MYO16: variants seen among roughly 807,000 people sequenced by gnomAD.
The protein encoded by MYO16 is myosin XVI.
In MYO16, 94 loss-of-function variants were observed where a neutral mutation model predicts 205.3. That is an observed-to-expected ratio of 0.46 (90% CI 0.39 to 0.54). The LOEUF (loss-of-function observed/expected upper bound fraction) is 0.54, where lower values mean the gene tolerates loss of function less well. Among genes scored for constraint, MYO16 ranks in the 20% least tolerant of loss-of-function variants. MYO16 has a pLI of 0.00. For synonymous variants in MYO16, 988 were observed against 954.0 expected (o/e 1.04, Z -0.66); for missense variants, 2,315 against 2,387.5 (o/e 0.97, Z 0.63).
chr13:109,126,217 A>G (rs1052530568), intron 30 of MYO16, among the ~76,000 whole-genome samples: 2 of 152,216 alleles, frequency 1.3e-5, no homozygotes, highest in African/African-American at 2.4e-5. Flanking sequence ...CTCAGTGATT[A>G]AATACTGAAA....
intron 7 of MYO16, among the ~76,000 whole-genome samples, chr13:108,809,082 C>A (rs1411301734): frequency 6.6e-6 from 1 of 152,160 alleles, no homozygotes; most frequent in South Asian, 2.1e-4. Context: ...CACATGACAA[C>A]TATGCTGCAG....
intron 30 of MYO16, among the ~76,000 whole-genome samples, chr13:109,126,344 C>T (rs1387641208): frequency 2.0e-5 from 3 of 152,176 alleles, no homozygotes; most frequent in Admixed American, 6.5e-5. Flanking sequence ...GGGCGGCTGG[C>T]TCTGCCTTGT....
intron 4 of MYO16, among the ~76,000 whole-genome samples, chr13:108,775,572 C>T (rs974257526): frequency 6.6e-6 from 1 of 151,964 alleles, no homozygotes; most frequent in African/African-American, 2.4e-5. Flanking sequence ...GATTCCTAAC[C>T]TCGTGGGTCA....
At chr13:108,639,204 GA>G (rs1449380556) in intron 1 of MYO16, among the ~76,000 whole-genome samples, 5 of 152,144 alleles carry the variant, frequency 3.3e-5, no homozygotes, top group Non-Finnish European at 1.5e-5. Context: ...GAGAAGCCTT[GA>G]AATAGCCCAG....
chr13:108,692,187 G>A lies in MYO16; in HGVS notation c.293-20474G>A, dbSNP rs372789515. Among the ~76,000 whole-genome samples the A allele has an allele frequency of 5.7e-4, 87 of 152,306 alleles. 2 individuals are homozygous for A. Among genetic ancestry groups the A allele is most frequent in the African/African-American group, 1.9e-3 (79 of 41,568 alleles). ...TAAGCTAATCAGACTTGGGCACCAG[G>A]AAAATACTGCTCTTGAGCCAGCACT... On this transcript the variant is annotated intron_variant, in intron 2 of 34. Coordinates refer to ENST00000457511, the MANE Select transcript of MYO16 (RefSeq NM_001198950.3).
intron 1 of MYO16, among the ~76,000 whole-genome samples, chr13:108,646,503 T>A (rs1477055076): frequency 6.6e-6 from 1 of 152,256 alleles, no homozygotes; most frequent in African/African-American, 2.4e-5. Context: ...GCAATTTATG[T>A]CATTCTGTAG....
rs759106289 is a variant in MYO16, at chr13:108,855,447, A to G, written c.1253A>G (p.Lys418Arg). Residue 418 changes from lysine (K) to arginine (R), a missense_variant, in exon 11 of 35, where the codon AAG becomes AGG. Physicochemically the swap from Lys to Arg is conservative, Grantham distance 26. Coordinates refer to ENST00000457511, the MANE Select transcript of MYO16 (RefSeq NM_001198950.3). ...MSGSTKPEQV[K>R]LMPPAPNDDL... is the part of the protein sequence containing the mutation. ...ATACTTTCGGTTCTTCCCCAGGTCA[A>G]GCTAATGCCTCCTGCCCCAAACGAT... 1 of 1,571,818 alleles carries G rather than the reference A, an allele frequency of 6.4e-7. No individual in the cohort carries two copies. The highest frequency in any genetic ancestry group is 1.7e-5 in the Admixed American group (1 of 59,016).
At chr13:109,152,175 C>G (rs1228234680) in intron 32 of MYO16, among the ~76,000 whole-genome samples, 1 of 152,076 alleles carries the variant, frequency 6.6e-6, no homozygotes. Flanking sequence ...TATATATTAC[C>G]AGTAATAAAG....
In MYO16 at chr13:108,691,832, T is replaced by C. The variant is rs75024769; in HGVS notation, c.293-20829T>C. 7.6e-3 allele frequency among the ~76,000 whole-genome samples: 1,159 copies of C among 152,288 alleles called. 18 individuals are homozygous for C. Among genetic ancestry groups the C allele is most frequent in the African/African-American group, 0.026 (1,100 of 41,556 alleles). ...CAGTCCAAACTAAGTTGATGATATA[T>C]TTGATGAACAGAGGTAAGCCGGGAA... On this transcript the variant is annotated intron_variant, in intron 2 of 34. Transcript: ENST00000457511.
the MYO16 span, among the ~76,000 whole-genome samples, chr13:108,533,123 G>C: frequency 2.7e-3 from 407 of 152,274 alleles, 3 homozygotes; most frequent in African/African-American, 9.0e-3. Flanking sequence ...ATGGTGGTGA[G>C]GGGAGACCAC....
At chr13:108,745,903 T>C (rs1168069477) in intron 4 of MYO16, among the ~76,000 whole-genome samples, 3 of 151,990 alleles carry the variant, frequency 2.0e-5, no homozygotes, top group Non-Finnish European at 4.4e-5. Context: ...AAATGAAGAA[T>C]GCAGCCGGGC....
At chr13:108,621,987 A>G (rs781458439) in intron 1 of MYO16, among the ~76,000 whole-genome samples, 1 of 152,132 alleles carries the variant, frequency 6.6e-6, no homozygotes, top group Non-Finnish European at 1.5e-5. Flanking sequence ...AACAGTGTAT[A>G]TAGGGCTCCA....
At chr13:108,820,294 T>C in intron 7 of MYO16, 43 bp from the exon 8 acceptor site, 2 of 1,419,114 alleles carry the variant, frequency 1.4e-6, no homozygotes, top group Non-Finnish European at 2.0e-6. Context: ...TATCCTAGCT[T>C]CTGCCATGGT....
chr13:108,973,741 T>C (rs1884141584), intron 20 of MYO16, among the ~76,000 whole-genome samples: 1 of 152,176 alleles, frequency 6.6e-6, no homozygotes, highest in South Asian at 2.1e-4. Context: ...ATCCCTAGCA[T>C]CTGACAGCAC....
chr13:108,748,510 A>C (rs144273768), intron 4 of MYO16, among the ~76,000 whole-genome samples: 2 of 152,106 alleles, frequency 1.3e-5, no homozygotes, highest in Admixed American at 1.3e-4. Flanking sequence ...TGGAGCATAA[A>C]TAAACTAAAA....
At chr13:108,689,886 C>A (rs1387988357) in intron 2 of MYO16, among the ~76,000 whole-genome samples, 1 of 152,176 alleles carries the variant, frequency 6.6e-6, no homozygotes, top group Non-Finnish European at 1.5e-5. Flanking sequence ...CAAGATTCTA[C>A]ATCTAACAAT....
At chr13:108,910,312 C>T (rs148262756) in intron 16 of MYO16, among the ~76,000 whole-genome samples, 162 bp downstream of exon 16, 38 of 152,294 alleles carry the variant, frequency 2.5e-4, no homozygotes, top group Non-Finnish European at 3.7e-4. Flanking sequence ...AAGGTTCCCA[C>T]TGTTTCTTGA....
At position 108,964,966 on chromosome 13, in the gene MYO16, T is replaced by C. The variant is rs1883734626; in HGVS notation, c.2369+64T>C. 17 of 1,529,436 alleles carry C rather than the reference T, an allele frequency of 1.1e-5. No homozygotes were observed. The South Asian group carries it at 2.0e-4, about 18-fold the overall frequency. The allele number at this position is 1,529,436 out of a possible 1,614,324, so 94.7% of individuals were successfully genotyped here. On this transcript the variant is annotated intron_variant, in intron 20 of 34. Coordinates refer to ENST00000457511, the MANE Select transcript of MYO16 (RefSeq NM_001198950.3). ...GTAATAAATAACTTAAAGGCTCAAC[T>C]CCAAAAGCAGCTTCATATTACAGGG...
At chr13:108,566,741 GGA>G in the MYO16 span, among the ~76,000 whole-genome samples, 3 of 59,938 alleles carry the variant, frequency 5.0e-5, no homozygotes, top group East Asian at 3.0e-4. Context: ...AAGGGAGGAA[GGA>G]AGGAAGGAAG....
Sources: allele counts gnomAD v4.1 joint callset (sites outside exome capture counted in the v4.1 genomes callset), GRCh38; gene constraint gnomAD v4.1.1; transcripts MANE v1.5; gene names NCBI Gene and HGNC (gene_info 2026-07-23, HGNC 2026-07-21).